Variants in LHX4 observed in about 807,000 individuals in gnomAD.
LHX4 encodes the protein LIM/homeobox protein Lhx4.
In LHX4, 16 loss-of-function variants were observed where a neutral mutation model predicts 39.2. The ratio of observed to expected loss-of-function variants is 0.41; its 90% confidence interval spans 0.28 to 0.62. LHX4 has a LOEUF of 0.62. Ranked by LOEUF, LHX4 falls within the 20% of genes least tolerant of loss-of-function variation. The pLI is 0.33. For missense variants in LHX4, 439 were observed against 511.9 expected (o/e 0.86, Z 1.37); for synonymous variants, 206 against 198.1 (o/e 1.04, Z -0.33).
chr1:180,252,228 G>T (rs933241541), intron 2 of LHX4, among the ~76,000 whole-genome samples: 1 of 152,214 alleles, frequency 6.6e-6, no homozygotes, highest in Non-Finnish European at 1.5e-5. Flanking sequence ...CACAGTGGAG[G>T]TGCAGTAAGG....
intron 2 of LHX4, among the ~76,000 whole-genome samples, chr1:180,252,820 C>T (rs550987491): frequency 2.4e-4 from 36 of 152,134 alleles, no homozygotes; most frequent in African/African-American, 7.7e-4. Flanking sequence ...CAGCAGGGGG[C>T]GATGTTGGTG....
chr1:180,250,696 AC>A (rs1647591337), intron 2 of LHX4, among the ~76,000 whole-genome samples: 1 of 150,576 alleles, frequency 6.6e-6, no homozygotes, highest in Non-Finnish European at 1.5e-5. Context: ...GCTGCCTTGG[AC>A]CCCCCAGTGC....
intron 5 of LHX4, chr1:180,273,912 A>C (rs1387233253): frequency 4.0e-6 from 2 of 503,932 alleles, no homozygotes; most frequent in Non-Finnish European, 7.2e-6. Context: ...TTAGTACACG[A>C]GCCACAAGGG....
chr1:180,256,163 C>T (rs150590668), intron 2 of LHX4, among the ~76,000 whole-genome samples: 7 of 152,330 alleles, frequency 4.6e-5, no homozygotes, highest in African/African-American at 1.7e-4. Flanking sequence ...GCCTCTGCAC[C>T]ACTGTAACTT....
chr1:180,247,345 C>T (rs1412679501), intron 1 of LHX4, among the ~76,000 whole-genome samples: 2 of 152,206 alleles, frequency 1.3e-5, no homozygotes, highest in African/African-American at 4.8e-5. Context: ...AGTGATTACT[C>T]ATCAGGTGGC....
chr1:180,257,493 C>T (rs16855609), intron 2 of LHX4, among the ~76,000 whole-genome samples: 11,955 of 152,182 alleles, frequency 0.079, 636 homozygotes, highest in African/African-American at 0.15. Context: ...ATAGGACCCC[C>T]GTCTGTGTCT....
rs1199131296 is a variant in LHX4, at chr1:180,275,463, C to T, written c.*884C>T. ...CAATCAATCAGTGAACATTTGTAGA[C>T]ACATTTGGATTCCAAACCTGCAGTC... On this transcript the variant is annotated 3_prime_UTR_variant, in exon 6 of 6. Transcript: ENST00000263726. 6.6e-6 allele frequency: 1 copy of T among 152,246 alleles called. No homozygotes were observed. The highest frequency in any genetic ancestry group is 2.4e-5 in the African/African-American group (1 of 41,466). 9.4% of individuals were successfully genotyped at this position (152,246 alleles called of 1,614,324 possible).
chr1:180,274,453 C>T lies in LHX4; in HGVS notation c.1047C>T (p.Ser349=). The change falls in exon 6 of 6, where the codon AGC becomes AGT. Residue 349 remains serine, a synonymous_variant. Transcript: ENST00000263726. The part of the protein sequence containing the change: ...GIIAHAGQGV[S]QTLRAMAGGP... ...TTGCGCATGCAGGGCAGGGAGTAAG[C>T]CAGACGCTGAGAGCCATGGCTGGGG... The T allele has an allele frequency of 1.2e-6, 2 of 1,614,178 alleles. No homozygotes were observed. Among genetic ancestry groups the T allele is most frequent in the Non-Finnish European group, 1.7e-6 (2 of 1,180,034 alleles).
At chr1:180,267,198 G>A (rs1194001715) in intron 3 of LHX4, among the ~76,000 whole-genome samples, 1 of 152,202 alleles carries the variant, frequency 6.6e-6, no homozygotes, top group African/African-American at 2.4e-5. Context: ...GATTCAGGGA[G>A]GCTCCGTCTC....
chr1:180,256,797 A>C (rs1016102764), intron 2 of LHX4, among the ~76,000 whole-genome samples: 3 of 152,192 alleles, frequency 2.0e-5, no homozygotes, highest in Admixed American at 2.0e-4. Context: ...CTGAGCTAGC[A>C]GCTTGGCAGA....
intron 1 of LHX4, among the ~76,000 whole-genome samples, chr1:180,233,081 G>A (rs1664217980): frequency 6.6e-6 from 1 of 152,208 alleles, no homozygotes. Context: ...CCCCTCTAGG[G>A]GCATTTTAGA....
chr1:180,264,622 C>T (rs959172501), intron 2 of LHX4, among the ~76,000 whole-genome samples: 2 of 152,202 alleles, frequency 1.3e-5, no homozygotes, highest in Non-Finnish European at 2.9e-5. Context: ...ATTTATTCAA[C>T]AAATATTAAC....
chr1:180,266,708 C>T lies in LHX4; in HGVS notation c.451+114C>T. 1 of 984,624 alleles carries T rather than the reference C, an allele frequency of 1.0e-6. No homozygotes were observed. The highest frequency in any genetic ancestry group is 1.6e-6 in the Non-Finnish European group (1 of 639,276). The allele number at this position is 984,624 out of a possible 1,614,324, so 61.0% of individuals were successfully genotyped here. On this transcript the variant is annotated intron_variant, in intron 3 of 5. Coordinates refer to ENST00000263726, the MANE Select transcript of LHX4 (RefSeq NM_033343.4). The surrounding 1 kb of genome is among the most constrained non-coding windows in gnomAD (Gnocchi z 5.7). ...CCTGCCCATCCCTCAGAGCCCTACT[C>T]ATGCACCGCCACCTCTGAGAAGCGT... is the stretch of plus-strand genomic sequence containing the variant.
Position 180,234,167 on chromosome 1 carries a change from A to T in LHX4, c.76+3562A>T, listed in dbSNP as rs1333825533. Among the ~76,000 whole-genome samples the T allele has an allele frequency of 1.0e-5, 1 of 97,696 alleles. No individual in the cohort carries two copies. The highest frequency in any genetic ancestry group is 4.0e-5 in the African/African-American group (1 of 25,168). 64.1% of individuals were successfully genotyped at this position (97,696 alleles called of 152,430 possible). On this transcript the variant is annotated intron_variant, in intron 1 of 5. Coordinates refer to ENST00000263726, the MANE Select transcript of LHX4 (RefSeq NM_033343.4). The surrounding 1 kb of genome is among the most constrained non-coding windows in gnomAD (Gnocchi z 4.8). ...GAAACAGACACACACAACACACACA[A>T]ATTATATATATATATATATATATAT...
rs757920750 is a variant in LHX4, at chr1:180,266,356, CCT to C, written c.249-35_249-34del. On this transcript the variant is annotated intron_variant, in intron 2 of 5. Transcript: ENST00000263726. This position sits in a 1 kb window ranked among gnomAD's most constrained non-coding sequence, Gnocchi z 5.7. ...TTGGGGGAAGCCAGATCCCTTGCTC[CCT>C]GTGTGCCCTAATCCTTTCCTGCTGC... The C allele has an allele frequency of 2.5e-6, 4 of 1,609,854 alleles. No individual in the cohort carries two copies. The African/African-American group carries it at 4.0e-5, about 16-fold the overall frequency.
chr1:180,271,896 G>A lies in LHX4; in HGVS notation c.668G>A (p.Arg223His), dbSNP rs779158068. The change falls in exon 5 of 6, where the codon CGC (arginine) becomes CAC (histidine). Residue 223 changes from arginine (R) to histidine (H), a missense_variant. Physicochemically the swap from Arg to His is conservative, Grantham distance 29. Coordinates refer to ENST00000263726, the MANE Select transcript of LHX4 (RefSeq NM_033343.4). ...KRLKKDAGRH[R>H]WGQFYKSVKR... ...CTGAAGAAGGATGCAGGGCGGCACCGCTGGGGGCAGTTCTATAAGAGCGTC... is the reference window on the plus strand; with the variant it reads ...CTGAAGAAGGATGCAGGGCGGCACCACTGGGGGCAGTTCTATAAGAGCGTC... The A allele has an allele frequency of 1.3e-5, 21 of 1,613,486 alleles. No homozygotes were observed. The highest frequency in any genetic ancestry group is 1.5e-5 in the Non-Finnish European group (18 of 1,179,944).
At chr1:180,250,227 A>G (rs1292365788) in intron 2 of LHX4, among the ~76,000 whole-genome samples, 2 of 151,994 alleles carry the variant, frequency 1.3e-5, no homozygotes, top group Admixed American at 6.6e-5. Flanking sequence ...CCAGTGGGCA[A>G]CAGGAGTTTG....
In LHX4 at chr1:180,271,376, G is replaced by A. The variant is rs2149266304; in HGVS notation, c.452-4G>A. On this transcript the variant is annotated splice_polypyrimidine_tract_variant and splice_region_variant and intron_variant, in intron 3 of 5. Coordinates refer to ENST00000263726, the MANE Select transcript of LHX4 (RefSeq NM_033343.4). ...AGCCAGTAAGCAGTGGTTTTTCCTT[G>A]CAGATGACTCAGAGGCTGGAGCTAA... The A allele has an allele frequency of 2.5e-6, 4 of 1,614,174 alleles. No individual in the cohort carries two copies. In the East Asian group the frequency reaches 8.9e-5, roughly 36 times the overall value.
intron 1 of LHX4, among the ~76,000 whole-genome samples, chr1:180,245,507 C>T (rs1006257666): frequency 6.6e-5 from 10 of 152,344 alleles, no homozygotes; most frequent in African/African-American, 1.2e-4. Flanking sequence ...CTGTGTGAGG[C>T]GGCCACTCGG....
Sources: gnomAD v4.1 joint callset for allele counts (sites outside exome capture counted in the v4.1 genomes callset) on GRCh38, gnomAD v4.1.1 for gene constraint, Gnocchi (gnomAD v3.1) non-coding constraint, MANE v1.5 for transcripts, NCBI Gene and HGNC (gene_info 2026-07-23, HGNC 2026-07-21) for gene names.